BCAR1: variants seen among roughly 807,000 people sequenced by gnomAD.
BCAR1 encodes BCAR1 scaffold protein, Cas family member, also known as breast cancer anti-estrogen resistance protein 1.
BCAR1 carries 30 observed loss-of-function variants against 67.6 expected under a neutral mutation model. The observed-to-expected ratio is 0.44, with a 90% CI of 0.33 to 0.60. The LOEUF (loss-of-function observed/expected upper bound fraction) is 0.60. Ranked by LOEUF, BCAR1 falls within the 20% of genes least tolerant of loss-of-function variation. BCAR1 has a pLI of 0.02. For missense variants in BCAR1, 1,313 were observed against 1,222.3 expected, an observed-to-expected ratio of 1.07 and a Z score of -1.11; for synonymous variants, 626 against 556.7, an observed-to-expected ratio of 1.12 and a Z score of -1.75.
At position 75,242,558 on chromosome 16, in the gene BCAR1, G is replaced by A; in HGVS notation, c.545C>T (p.Pro182Leu). 6.7e-7 allele frequency: 1 copy of A among 1,492,672 alleles called. No individual in the cohort carries two copies. Among genetic ancestry groups the A allele is most frequent in the Non-Finnish European group, 8.9e-7 (1 of 1,121,544 alleles). 92.5% of individuals were successfully genotyped at this position (1,492,672 alleles called of 1,614,324 possible). A position where few individuals can be genotyped will look rare whatever the true frequency, so the allele number is the denominator to read the frequency against. The change falls in exon 2 of 7, where the codon CCA (proline) becomes CTA (leucine). Residue 182 changes from proline to leucine, a missense_variant. Transcript: ENST00000162330. ...GGPAQDIYQV[P>L]PSAGMGHDIY... is the part of the protein sequence containing the mutation. ...GTCATGCCCCATCCCGGCAGAAGGT[G>A]GCACCTGGTAAATATCCTGGGCAGG...
At chr16:75,264,928 G>GCCTCCCA in intron 1 of BCAR1, 1 of 157,060 alleles carries the variant, frequency 6.4e-6, no homozygotes, top group South Asian at 2.1e-4. Flanking sequence ...CGGGGTGTCC[G>GCCTCCCA]CCTCCCACCT....
intron 5 of BCAR1, among the ~76,000 whole-genome samples, chr16:75,234,362 C>T (rs914852968): frequency 1.3e-5 from 2 of 152,162 alleles, no homozygotes; most frequent in Non-Finnish European, 2.9e-5. Flanking sequence ...GCAGAAAGTC[C>T]GCAAGCTCCA....
At chr16:75,237,383 C>G in intron 2 of BCAR1, 39 bp from the exon 3 acceptor site, 1 of 1,428,254 alleles carries the variant, frequency 7.0e-7, no homozygotes, top group Non-Finnish European at 9.2e-7. Context: ...GCCCTCAAAC[C>G]AGCCCTTAGG....
intron 2 of BCAR1, among the ~76,000 whole-genome samples, chr16:75,240,777 G>A (rs1291700577): frequency 1.3e-5 from 2 of 152,230 alleles, no homozygotes; most frequent in East Asian, 3.8e-4. Flanking sequence ...CATCAGCCAG[G>A]TCAGGGCCCT....
At chr16:75,261,860 G>A (rs2077913642) in intron 1 of BCAR1, among the ~76,000 whole-genome samples, 1 of 152,212 alleles carries the variant, frequency 6.6e-6, no homozygotes, top group African/African-American at 2.4e-5. Context: ...GTCAGGAATG[G>A]GTCTGAGCCA....
In BCAR1 at chr16:75,230,174, G is replaced by A. The variant is rs960239443; in HGVS notation, c.2101-151C>T. 1.4e-5 allele frequency: 14 copies of A among 983,090 alleles called. 1 individual carries two copies. The Admixed American group carries it at 2.0e-4, about 14-fold the overall frequency. 60.9% of individuals were successfully genotyped at this position (983,090 alleles called of 1,614,324 possible). A position where few individuals can be genotyped will look rare whatever the true frequency, so the allele number is the denominator to read the frequency against. ...GGGAAACGGGCAGTCTCCTCTCCCG[G>A]GGACGGGACCAGGAACCATGGCAAG... On this transcript the variant is annotated intron_variant, in intron 6 of 6. Transcript: ENST00000162330.
At chr16:75,264,228 C>T (rs2077959900) in intron 1 of BCAR1, 1 of 1,362,292 alleles carries the variant, frequency 7.3e-7, no homozygotes, top group East Asian at 2.7e-5. Context: ...AGACTCCATG[C>T]CCAGAGCTTG....
At chr16:75,266,871 T>C in intron 1 of BCAR1, 1 of 1,098,008 alleles carries the variant, frequency 9.1e-7, no homozygotes, top group Non-Finnish European at 1.2e-6. Context: ...TCCATGAGGC[T>C]GGTTTGCCGC....
rs1282971981 is a variant in BCAR1, at chr16:75,251,601, G to C, written c.-119C>G. On this transcript the variant is annotated 5_prime_UTR_variant, in exon 1 of 7. Coordinates refer to ENST00000162330, the MANE Select transcript of BCAR1 (RefSeq NM_014567.5). ...GCCCCGGTGCCGCCGCGCAGCTGCC[G>C]CCTCGGCCACCCAGAGCCGGTCCAG... is the stretch of plus-strand genomic sequence containing the variant. 9.7e-7 allele frequency: 1 copy of C among 1,025,968 alleles called. No individual in the cohort carries two copies. The highest frequency in any genetic ancestry group is 1.2e-6 in the Non-Finnish European group (1 of 858,252). 63.6% of individuals were successfully genotyped at this position (1,025,968 alleles called of 1,614,324 possible).
intron 1 of BCAR1, among the ~76,000 whole-genome samples, chr16:75,256,719 C>G (rs1310230213): frequency 1.3e-5 from 2 of 151,954 alleles, no homozygotes; most frequent in Admixed American, 1.3e-4. Context: ...CGCCCGAGGC[C>G]GGTGTGAGCC....
At chr16:75,252,509 C>T, upstream of BCAR1, 1 of 1,134,800 alleles carries the variant, frequency 8.8e-7, no homozygotes, top group South Asian at 1.7e-5. Context: ...TGACTGTCAC[C>T]CCATGCAGCA....
rs1281470105 is a variant in BCAR1 at position 75,235,208 on chromosome 16, G to A, written c.1691C>T (p.Ala564Val). ...GGTGGCTCCAGAGCCTCCCCGGCCA[G>A]CGTCGAGGGCCTGACCATGTGCCAC... ...TLVAHGQALD[A>V]GRGGSGATLE... Residue 564 changes from alanine (A) to valine (V), a missense_variant, in exon 5 of 7, where the codon GCT becomes GTT. Around this residue, in one of 2 missense-constraint regions of BCAR1, gnomAD observed 1,272 missense variants for 1,137.5 expected, o/e 1.12. Coordinates refer to ENST00000162330, the MANE Select transcript of BCAR1 (RefSeq NM_014567.5). 1 of 1,608,288 alleles carries A rather than the reference G, an allele frequency of 6.2e-7. No homozygotes were observed. Among genetic ancestry groups the A allele is most frequent in the South Asian group, 1.1e-5 (1 of 91,014 alleles).
chr16:75,251,041 G>A (rs896804672), intron 1 of BCAR1: 4 of 939,652 alleles, frequency 4.3e-6, no homozygotes, highest in Non-Finnish European at 3.8e-6. Flanking sequence ...CTCCCTCTCC[G>A]GGAGCCGGTG....
intron 1 of BCAR1, among the ~76,000 whole-genome samples, chr16:75,244,770 A>G (rs1327419585): frequency 1.3e-5 from 2 of 152,224 alleles, no homozygotes; most frequent in African/African-American, 2.4e-5. Context: ...TATTGGAGCC[A>G]AGGTGAGCAC....
chr16:75,250,953 G>C (rs1401017012), intron 1 of BCAR1: 4 of 985,372 alleles, frequency 4.1e-6, no homozygotes, highest in Non-Finnish European at 4.8e-6. Flanking sequence ...TCATTAACTG[G>C]AGCCGGGTGC....
At chr16:75,256,517 G>T (rs921866169), upstream of BCAR1, among the ~76,000 whole-genome samples, 2 of 151,998 alleles carry the variant, frequency 1.3e-5, no homozygotes, top group Non-Finnish European at 1.5e-5. Flanking sequence ...GCACGGATGG[G>T]GGGGGGTGGG....
At position 75,235,922 on chromosome 16, in the gene BCAR1, G is replaced by A. The variant is rs778897334; in HGVS notation, c.977C>T (p.Thr326Ile). The change falls in exon 5 of 7, where the codon ACC (threonine) becomes ATC (isoleucine). Residue 326 changes from threonine (T) to isoleucine (I), a missense_variant. Around this residue, in one of 2 missense-constraint regions of BCAR1, gnomAD observed 1,272 missense variants for 1,137.5 expected, o/e 1.12. Transcript: ENST00000162330. The stretch of plus-strand genomic sequence containing the variant: ...GGCGAAGGCGGGGGGCACATCGTAG[G>A]TCTCCTCACGCAGCAGTGGGCCATC... ...VPDGPLLREE[T>I]YDVPPAFAKA... 12 of 1,569,036 alleles carry A rather than the reference G, an allele frequency of 7.6e-6. No individual in the cohort carries two copies. In the East Asian group the frequency reaches 2.8e-4, roughly 37 times the overall value.
At chr16:75,255,532 C>A (rs1326980826), upstream of BCAR1, among the ~76,000 whole-genome samples, 3 of 151,968 alleles carry the variant, frequency 2.0e-5, no homozygotes, top group Non-Finnish European at 4.4e-5. Context: ...TCCGTCTCTA[C>A]TAAAAATACA....
At chr16:75,252,186 G>A (rs947973702), upstream of BCAR1, 198 of 1,535,248 alleles carry the variant, frequency 1.3e-4, 1 homozygote, top group East Asian at 4.8e-3. Flanking sequence ...GCCTCAAGCA[G>A]GGAGGCTGGC....
Sources: gnomAD v4.1 joint callset for allele counts (sites outside exome capture counted in the v4.1 genomes callset) on GRCh38, gnomAD v4.1.1 for gene constraint, gnomAD v4.1.1 regional missense constraint, MANE v1.5 for transcripts, NCBI Gene and HGNC (gene_info 2026-07-23, HGNC 2026-07-21) for gene names.